Variants in FTCDNL1 observed in about 807,000 individuals in gnomAD.
The protein encoded by FTCDNL1 is formiminotransferase N-terminal subdomain-containing protein.
Under a neutral mutation model 5.9 loss-of-function variants are expected in FTCDNL1, and 11 were observed. The ratio of observed to expected loss-of-function variants is 1.87; its 90% CI spans 1.18 to 3.10. The LOEUF (loss-of-function observed/expected upper bound fraction) is 3.10. Among genes scored for constraint, FTCDNL1 ranks in the 30% most tolerant of loss-of-function variants. The pLI is 0.00. For missense variants in FTCDNL1, 115 were observed against 65.5 expected (o/e 1.76, Z -2.61); for synonymous variants, 58 against 24.8 (o/e 2.34, Z -3.99).
chr2:199,722,471 G>A, the FTCDNL1 span, among the ~76,000 whole-genome samples: 3 of 152,008 alleles, frequency 2.0e-5, no homozygotes, highest in Admixed American at 2.0e-4. Context: ...TCTCTATTAT[G>A]TTCCATTGGT....
intron 4 of FTCDNL1, among the ~76,000 whole-genome samples, chr2:199,815,914 C>T (rs1401360409): frequency 6.6e-6 from 1 of 151,860 alleles, no homozygotes; most frequent in Non-Finnish European, 1.5e-5. Flanking sequence ...GCAGGGGAAT[C>T]GCTTGAACCC....
At chr2:199,721,840 T>G in the FTCDNL1 span, among the ~76,000 whole-genome samples, 6 of 152,342 alleles carry the variant, frequency 3.9e-5, no homozygotes, top group South Asian at 8.3e-4. Context: ...AGATGGTATC[T>G]CATTGTGGTT....
At chr2:199,743,645 G>A in the FTCDNL1 span, among the ~76,000 whole-genome samples, 13 of 152,040 alleles carry the variant, frequency 8.6e-5, no homozygotes, top group Admixed American at 2.6e-4. Context: ...ACCTATGCAC[G>A]TCCCTTGCCT....
chr2:199,776,906 A>T, intron 3 of FTCDNL1, among the ~76,000 whole-genome samples: 1 of 137,296 alleles, frequency 7.3e-6, no homozygotes, highest in Admixed American at 7.9e-5. Flanking sequence ...CATGTGTAAT[A>T]TATGTGTATG....
chr2:199,754,965 C>T, the FTCDNL1 span, among the ~76,000 whole-genome samples: 3 of 152,108 alleles, frequency 2.0e-5, no homozygotes, highest in Admixed American at 6.5e-5. Flanking sequence ...ATGACTTTAG[C>T]AGATGGTCAA....
intron 3 of FTCDNL1, among the ~76,000 whole-genome samples, chr2:199,802,707 C>T (rs2106408667): frequency 6.6e-6 from 1 of 152,244 alleles, no homozygotes; most frequent in East Asian, 1.9e-4. Flanking sequence ...AGTCTGTGGC[C>T]CAACTCAGAG....
intron 4 of FTCDNL1, among the ~76,000 whole-genome samples, chr2:199,813,939 A>C (rs1312794980): frequency 6.8e-6 from 1 of 146,660 alleles, no homozygotes; most frequent in African/African-American, 2.5e-5. Flanking sequence ...AAAAAAAAAA[A>C]AAAATACTTT....
At chr2:199,737,621 G>A in the FTCDNL1 span, among the ~76,000 whole-genome samples, 4 of 152,088 alleles carry the variant, frequency 2.6e-5, no homozygotes, top group Non-Finnish European at 4.4e-5. Flanking sequence ...GAAATGTGTA[G>A]AAAAAAATTA....
chr2:199,735,730 C>T, the FTCDNL1 span, among the ~76,000 whole-genome samples: 1 of 152,154 alleles, frequency 6.6e-6, no homozygotes, highest in African/African-American at 2.4e-5. Context: ...GTGTTCTTCT[C>T]GCACTAAGGC....
chr2:199,788,859 CAG>C (rs1276466642), intron 3 of FTCDNL1, among the ~76,000 whole-genome samples: 2 of 151,552 alleles, frequency 1.3e-5, no homozygotes, highest in African/African-American at 4.8e-5. Flanking sequence ...CAGATACAGA[CAG>C]AGAAGAGATT....
chr2:199,846,972 C>A (rs1034362941), intron 2 of FTCDNL1, among the ~76,000 whole-genome samples: 5 of 152,166 alleles, frequency 3.3e-5, no homozygotes, highest in African/African-American at 1.2e-4. Flanking sequence ...TGTCCCCTGG[C>A]AGCTTAACAA....
chr2:199,745,003 T>A, the FTCDNL1 span, among the ~76,000 whole-genome samples: 2 of 152,226 alleles, frequency 1.3e-5, no homozygotes, highest in Non-Finnish European at 2.9e-5. Context: ...AGACGCATCA[T>A]CCTGTGTCCA....
chr2:199,800,646 T>C lies in FTCDNL1; in HGVS notation c.212-39811A>G, dbSNP rs1434498835. Among the ~76,000 whole-genome samples, 4 of 152,206 alleles carry C rather than the reference T, an allele frequency of 2.6e-5. No homozygotes were observed. In the South Asian group the frequency reaches 6.2e-4, roughly 24 times the overall value. On this transcript the variant is annotated intron_variant, in intron 3 of 3. Coordinates refer to the FTCDNL1 transcript ENST00000416668. ...GCTACTCTTTTGTCACCTATGCAAA[T>C]GATAGTAATCTGTCATTTTATATGA...
At chr2:199,725,329 T>C in the FTCDNL1 span, among the ~76,000 whole-genome samples, 5 of 152,200 alleles carry the variant, frequency 3.3e-5, no homozygotes, top group African/African-American at 1.2e-4. Flanking sequence ...GTCTTGACTC[T>C]AATTTATCCA....
chr2:199,780,262 C>T (rs1175715742), intron 3 of FTCDNL1, among the ~76,000 whole-genome samples: 1 of 152,114 alleles, frequency 6.6e-6, no homozygotes, highest in Admixed American at 6.5e-5. Flanking sequence ...ATCCCTGAGT[C>T]CACCATTAGA....
the FTCDNL1 span, among the ~76,000 whole-genome samples, chr2:199,672,870 C>G: frequency 6.6e-6 from 1 of 152,026 alleles, no homozygotes; most frequent in Non-Finnish European, 1.5e-5. Context: ...GGTTGCCCCC[C>G]ACCCTCTTCT....
the FTCDNL1 span, among the ~76,000 whole-genome samples, chr2:199,729,319 C>T: frequency 6.6e-6 from 1 of 152,146 alleles, no homozygotes; most frequent in African/African-American, 2.4e-5. Flanking sequence ...TCTCACCACT[C>T]CTATCCAACA....
the FTCDNL1 span, among the ~76,000 whole-genome samples, chr2:199,674,629 T>C: frequency 3.9e-5 from 6 of 152,246 alleles, no homozygotes; most frequent in African/African-American, 1.4e-4. Flanking sequence ...CCAGTATGCA[T>C]TGCTTTCCAG....
the FTCDNL1 span, among the ~76,000 whole-genome samples, chr2:199,701,248 T>C: frequency 1.5e-5 from 2 of 129,224 alleles, no homozygotes; most frequent in African/African-American, 3.1e-5. Context: ...AAATCAAAAC[T>C]ACAATGAGAT....
Sources: gnomAD v4.1 joint callset for allele counts (sites outside exome capture counted in the v4.1 genomes callset) on GRCh38, gnomAD v4.1.1 for gene constraint, MANE v1.5 for transcripts, NCBI Gene and HGNC (gene_info 2026-07-23, HGNC 2026-07-21) for gene names.